KMT2E: variants seen among roughly 807,000 people sequenced by gnomAD.
The protein encoded by KMT2E is histone reader KMT2E.
A neutral mutation model predicts 184.6 loss-of-function variants in KMT2E; 30 were observed. That is an observed-to-expected ratio of 0.16 (90% CI 0.12 to 0.22). KMT2E has a LOEUF of 0.22. Among genes scored for constraint, KMT2E ranks in the 10% least tolerant of loss-of-function variants. KMT2E has a pLI of 1.00. For missense variants in KMT2E, 2,023 were observed against 2,237.4 expected (o/e 0.90, Z 1.93); for synonymous variants, 815 against 776.5 (o/e 1.05, Z -0.82).
chr7:105,019,288 A>G (rs1457449769), intron 1 of KMT2E, among the ~76,000 whole-genome samples: 2 of 152,194 alleles, frequency 1.3e-5, no homozygotes, highest in East Asian at 1.9e-4. Flanking sequence ...ACGAGATAAC[A>G]TGTTTTCACT....
In KMT2E at chr7:105,114,269, A is replaced by G. The variant is rs1486963788; in HGVS notation, c.*936A>G. The G allele has an allele frequency of 2.0e-5, 3 of 152,170 alleles. No homozygotes were observed. The highest frequency in any genetic ancestry group is 6.5e-5 in the Admixed American group (1 of 15,280). The allele number at this position is 152,170 out of a possible 1,614,324, so 9.4% of individuals were successfully genotyped here. A position where few individuals can be genotyped will look rare whatever the true frequency, so the allele number is the denominator to read the frequency against. Reference sequence around the variant, plus strand: ...TGCATTTTTGCAGGAGCCATAGGAAACTACTGAAATGATTGTGCTGGGTAA... The same window carrying G: ...TGCATTTTTGCAGGAGCCATAGGAAGCTACTGAAATGATTGTGCTGGGTAA... On this transcript the variant is annotated 3_prime_UTR_variant, in exon 27 of 27. Coordinates refer to ENST00000311117, the MANE Select transcript of KMT2E (RefSeq NM_182931.3).
At chr7:105,042,592 C>T (rs1292987452) in intron 3 of KMT2E, among the ~76,000 whole-genome samples, 2 of 152,130 alleles carry the variant, frequency 1.3e-5, no homozygotes, top group Non-Finnish European at 2.9e-5. Context: ...GGTTTGAACC[C>T]AGAGTTGCTT....
intron 13 of KMT2E, among the ~76,000 whole-genome samples, chr7:105,088,722 TACTA>T (rs984472873): frequency 3.3e-5 from 5 of 152,210 alleles, no homozygotes; most frequent in Admixed American, 3.3e-4. Flanking sequence ...CCTTTCCACT[TACTA>T]ACTGTGTAAC....
At chr7:105,047,612 T>C (rs1310003625) in intron 3 of KMT2E, among the ~76,000 whole-genome samples, 1 of 152,258 alleles carries the variant, frequency 6.6e-6, no homozygotes, top group Non-Finnish European at 1.5e-5. Context: ...ATTATTTTTA[T>C]ACTGTGAGTC....
intron 6 of KMT2E, among the ~76,000 whole-genome samples, chr7:105,073,371 T>G (rs1172803546): frequency 6.8e-6 from 1 of 146,830 alleles, no homozygotes; most frequent in East Asian, 2.0e-4. Context: ...CACTCCAGCC[T>G]GGGTGATAGG....
At chr7:105,066,285 A>G (rs1383172188) in intron 5 of KMT2E, among the ~76,000 whole-genome samples, 1 of 152,136 alleles carries the variant, frequency 6.6e-6, no homozygotes, top group Non-Finnish European at 1.5e-5. Flanking sequence ...CTCTTCATAT[A>G]TGTTGAGCGC....
At chr7:105,077,997 G>A (rs1016335823) in intron 11 of KMT2E, among the ~76,000 whole-genome samples, 1 of 152,204 alleles carries the variant, frequency 6.6e-6, no homozygotes, top group African/African-American at 2.4e-5. Flanking sequence ...CCCTTTGATA[G>A]GCGTTGCTTC....
chr7:105,086,978 ATATT>A (rs1336321856), intron 13 of KMT2E, among the ~76,000 whole-genome samples: 1 of 147,088 alleles, frequency 6.8e-6, no homozygotes, highest in African/African-American at 2.5e-5. Flanking sequence ...TATATACTAT[ATATT>A]ATACGCTGTA....
intron 9 of KMT2E, 119 bp downstream of exon 9, chr7:105,076,200 A>T: frequency 1.4e-6 from 1 of 692,612 alleles, no homozygotes; most frequent in Non-Finnish European, 2.5e-6. Flanking sequence ...TTTGCCTATT[A>T]TCTTTACCAG....
chr7:105,085,773 T>A (rs942379724), intron 13 of KMT2E, among the ~76,000 whole-genome samples: 3 of 151,876 alleles, frequency 2.0e-5, no homozygotes, highest in Admixed American at 2.0e-4. Flanking sequence ...AGGCTCCGCT[T>A]CCCAGGTTCA....
Position 105,112,074 on chromosome 7 carries a change from C to G in KMT2E, c.4318C>G (p.His1440Asp). ...QKLPSVPTKL[H>D]CPPSPHLENP... ...GCTGCCTTCTGTGCCAACAAAGTTG[C>G]ACTGTCCTCCATCACCTCACCTAGA... The change falls in exon 27 of 27, where the codon CAC (histidine) becomes GAC (aspartate). Residue 1440 changes from histidine to aspartate, a missense_variant. By Grantham distance (81) the His-to-Asp change is moderately conservative. Around this residue, in one of 8 missense-constraint regions of KMT2E, gnomAD observed 1,108 missense variants for 1,050.9 expected, o/e 1.05. Transcript: ENST00000311117. 1 of 1,614,158 alleles carries G rather than the reference C, an allele frequency of 6.2e-7. No homozygotes were observed. Among genetic ancestry groups the G allele is most frequent in the Non-Finnish European group, 8.5e-7 (1 of 1,180,000 alleles).
At chr7:105,084,666 T>C (rs1797891853) in intron 13 of KMT2E, among the ~76,000 whole-genome samples, 1 of 151,590 alleles carries the variant, frequency 6.6e-6, no homozygotes, top group African/African-American at 2.4e-5. Flanking sequence ...CTGAAGACTA[T>C]GAAGAATTCA....
intron 3 of KMT2E, among the ~76,000 whole-genome samples, chr7:105,060,744 CTA>C (rs1415973087): frequency 6.6e-6 from 1 of 152,064 alleles, no homozygotes; most frequent in Non-Finnish European, 1.5e-5. Context: ...CCCTTATTTT[CTA>C]TGTTTAGATG....
intron 3 of KMT2E, among the ~76,000 whole-genome samples, chr7:105,052,428 A>G (rs1007996926): frequency 6.6e-6 from 1 of 152,188 alleles, no homozygotes; most frequent in Non-Finnish European, 1.5e-5. Flanking sequence ...CATAAGCTTT[A>G]TGACTATAAA....
At chr7:105,037,914 T>G (rs1162268439) in intron 1 of KMT2E, among the ~76,000 whole-genome samples, 1 of 152,224 alleles carries the variant, frequency 6.6e-6, no homozygotes, top group African/African-American at 2.4e-5. Context: ...CAGTGTTTCT[T>G]TTTCCAGTTT....
intron 5 of KMT2E, among the ~76,000 whole-genome samples, chr7:105,065,700 C>G (rs1401553168): frequency 1.3e-5 from 2 of 152,080 alleles, no homozygotes; most frequent in Admixed American, 1.3e-4. Context: ...CTTCTGCCCC[C>G]CTCTCTCCCT....
chr7:105,105,676 T>G lies in KMT2E; in HGVS notation c.2434T>G (p.Ser812Ala). Residue 812 changes from serine to alanine, a missense_variant, in exon 18 of 27, where the codon TCT (serine) becomes GCT (alanine). Coordinates refer to ENST00000311117, the MANE Select transcript of KMT2E (RefSeq NM_182931.3). The part of the protein sequence containing the change: ...RRRKEPTENI[S>A]GSCKKRWLKQ... ...AAGAAAAGAACCTACTGAAAACATTTCTGGTTCATGCAAGAAGGTAAACTT... is the reference window on the plus strand; with the variant it reads ...AAGAAAAGAACCTACTGAAAACATTGCTGGTTCATGCAAGAAGGTAAACTT... 6.2e-7 allele frequency: 1 copy of G among 1,600,686 alleles called. No homozygotes were observed.
chr7:105,092,584 G>T (rs115625369), intron 15 of KMT2E, among the ~76,000 whole-genome samples: 1,772 of 152,272 alleles, frequency 0.012, 29 homozygotes, highest in African/African-American at 0.04. Context: ...TAGAAGAAAA[G>T]CAAACAGAAA....
chr7:105,024,647 G>A (rs1164779185), intron 1 of KMT2E, among the ~76,000 whole-genome samples: 12 of 152,050 alleles, frequency 7.9e-5, no homozygotes, highest in Admixed American at 7.9e-4. Context: ...CCAGTTCTCT[G>A]CTTTTATTTT....
Sources: gnomAD v4.1 joint callset for allele counts (sites outside exome capture counted in the v4.1 genomes callset) on GRCh38, gnomAD v4.1.1 for gene constraint, gnomAD v4.1.1 regional missense constraint, MANE v1.5 for transcripts, NCBI Gene and HGNC (gene_info 2026-07-23, HGNC 2026-07-21) for gene names.